Variants in RSPH14 observed in about 807,000 individuals in gnomAD.
The protein encoded by RSPH14 is radial spoke head 14 homolog, also known as rhabdoid tumor deletion region gene 1.
RSPH14 carries 20 observed loss-of-function variants against 26.7 expected under a neutral mutation model. That is an observed-to-expected ratio of 0.75 (90% CI 0.53 to 1.09). RSPH14 has a LOEUF of 1.09. Among genes scored for constraint, RSPH14 ranks in the 50% least tolerant of loss-of-function variants. The probability of loss-of-function intolerance (pLI) is 0.00; values close to 1 mark genes in which losing one functional copy is unlikely to be tolerated. For missense variants in RSPH14, 449 were observed against 457.2 expected (o/e 0.98, Z 0.16); for synonymous variants, 177 against 189.3 (o/e 0.93, Z 0.53).
rs1405924145 is a variant in RSPH14, at chr22:23,059,692, C to T, written c.817G>A (p.Ala273Thr). ...AGCAGCTCCAGGAGCAGGCCGATGG[C>T]TTGTGCCTCCAGGGCCGCATACTTC... ...EGKYAALEAQ[A>T]IGLLLELLHS... is the part of the protein sequence containing the mutation. The change falls in exon 7 of 7, where the codon GCC (alanine) becomes ACC (threonine). Residue 273 changes from alanine to threonine, a missense_variant. Transcript: ENST00000216036. The T allele has an allele frequency of 1.3e-6, 2 of 1,555,916 alleles. No individual in the cohort carries two copies. The highest frequency in any genetic ancestry group is 8.7e-7 in the Non-Finnish European group (1 of 1,151,164).
At chr22:23,125,159 C>T (rs1245067653) in intron 4 of RSPH14, 1 of 152,198 alleles carries the variant, frequency 6.6e-6, no homozygotes, top group Non-Finnish European at 1.5e-5. Flanking sequence ...CCTATACCTC[C>T]ACACATTTAG....
chr22:23,079,857 G>A (rs1190962787), intron 4 of RSPH14, among the ~76,000 whole-genome samples: 1 of 152,158 alleles, frequency 6.6e-6, no homozygotes, highest in Non-Finnish European at 1.5e-5. Context: ...AAGGCGTGCT[G>A]GGCATGTAGT....
chr22:23,061,783 C>T, intron 6 of RSPH14, 26 bp downstream of exon 6: 1 of 1,613,140 alleles, frequency 6.2e-7, no homozygotes, highest in Non-Finnish European at 8.5e-7. Flanking sequence ...GGGTCTCCCT[C>T]CCTGCGGCAC....
rs117006547 is a variant in RSPH14 at position 23,126,784 on chromosome 22, G to A, written c.421+7242C>T. Among the ~76,000 whole-genome samples the A allele has an allele frequency of 4.9e-3, 740 of 152,308 alleles. 2 individuals are homozygous for A. Among genetic ancestry groups the A allele is most frequent in the Non-Finnish European group, 7.0e-3 (475 of 68,018 alleles). ...CTGCCCACTGCAGGTGACTAATCCC[G>A]CCTTGTCCTACTTCACGCAGCCCCA... On this transcript the variant is annotated intron_variant, in intron 4 of 6. Coordinates refer to ENST00000216036, the MANE Select transcript of RSPH14 (RefSeq NM_014433.3).
At chr22:23,179,284 T>A in the RSPH14 span, among the ~76,000 whole-genome samples, 1 of 91,234 alleles carries the variant, frequency 1.1e-5, no homozygotes, top group East Asian at 4.7e-4. Context: ...GAGGGAGAGG[T>A]GGTCAGGACT....
At chr22:23,062,418 T>G (rs1261136458) in intron 5 of RSPH14, among the ~76,000 whole-genome samples, 1 of 152,160 alleles carries the variant, frequency 6.6e-6, no homozygotes, top group African/African-American at 2.4e-5. Context: ...TGAATGAAGT[T>G]GTGGAAATGA....
chr22:23,083,687 G>C (rs555760519), intron 4 of RSPH14, among the ~76,000 whole-genome samples: 1 of 152,300 alleles, frequency 6.6e-6, no homozygotes, highest in South Asian at 2.1e-4. Context: ...ATGTGGTCAG[G>C]GAAGGTGCCT....
chr22:23,072,475 C>T (rs949062968), intron 4 of RSPH14, among the ~76,000 whole-genome samples: 3 of 152,214 alleles, frequency 2.0e-5, no homozygotes, highest in Non-Finnish European at 2.9e-5. Flanking sequence ...TTCTCCCCCT[C>T]GGAAATTGGT....
intron 4 of RSPH14, among the ~76,000 whole-genome samples, chr22:23,088,804 T>C (rs1438187148): frequency 6.6e-6 from 1 of 152,004 alleles, no homozygotes; most frequent in Non-Finnish European, 1.5e-5. Context: ...GCATTAGGGG[T>C]GTGGCCTTGC....
At chr22:23,077,104 C>T (rs1215570412) in intron 4 of RSPH14, among the ~76,000 whole-genome samples, 39 of 152,142 alleles carry the variant, frequency 2.6e-4, no homozygotes, top group Admixed American at 2.6e-3. Flanking sequence ...GTGATGTCTG[C>T]AGCGGGCACG....
At chr22:23,131,623 C>T (rs1000443974) in intron 4 of RSPH14, 17 of 1,303,996 alleles carry the variant, frequency 1.3e-5, no homozygotes, top group African/African-American at 1.5e-5. Flanking sequence ...AGCAAGTCCC[C>T]TGTCTCCACA....
the RSPH14 span, chr22:23,153,145 G>A: frequency 1.2e-6 from 2 of 1,608,982 alleles, no homozygotes; most frequent in Non-Finnish European, 1.7e-6. Context: ...GTAAGTTGCT[G>A]GTTCCCCCAT....
At chr22:23,062,404 G>C (rs920886972) in intron 5 of RSPH14, among the ~76,000 whole-genome samples, 2 of 152,160 alleles carry the variant, frequency 1.3e-5, no homozygotes, top group Non-Finnish European at 2.9e-5. Context: ...ACTTACTCTG[G>C]CACTGAATGA....
chr22:23,068,424 G>A (rs752573906), intron 4 of RSPH14, among the ~76,000 whole-genome samples: 31 of 152,246 alleles, frequency 2.0e-4, no homozygotes, highest in African/African-American at 6.3e-4. Flanking sequence ...GAAAAGGGCC[G>A]GTCTGAATCC....
At chr22:23,140,584 C>T in intron 1 of RSPH14, 112 bp from the exon 2 acceptor site, 1 of 1,233,466 alleles carries the variant, frequency 8.1e-7, no homozygotes. Context: ...TTTCATTTTA[C>T]AGATGAGCAA....
intron 4 of RSPH14, among the ~76,000 whole-genome samples, chr22:23,098,590 A>G (rs2069194499): frequency 6.6e-6 from 1 of 152,216 alleles, no homozygotes; most frequent in Non-Finnish European, 1.5e-5. Context: ...CACACCCACC[A>G]CCATCACCCT....
At chr22:23,158,811 C>A in the RSPH14 span, 5 of 1,188,970 alleles carry the variant, frequency 4.2e-6, no homozygotes, top group Non-Finnish European at 6.2e-6. Flanking sequence ...AGCACTTCAG[C>A]CCTGGGGAGG....
intron 5 of RSPH14, among the ~76,000 whole-genome samples, chr22:23,063,291 G>A (rs1056776634): frequency 6.6e-6 from 1 of 152,214 alleles, no homozygotes; most frequent in Non-Finnish European, 1.5e-5. Context: ...GGGAAGGCAA[G>A]AGGGTCTCCA....
chr22:23,087,309 T>G (rs1276480596), intron 4 of RSPH14, among the ~76,000 whole-genome samples: 1 of 151,960 alleles, frequency 6.6e-6, no homozygotes, highest in Non-Finnish European at 1.5e-5. Flanking sequence ...TCTCCAAAAT[T>G]AAAAAGATTA....
Sources: allele counts gnomAD v4.1 joint callset (sites outside exome capture counted in the v4.1 genomes callset), GRCh38; gene constraint gnomAD v4.1.1; transcripts MANE v1.5; gene names NCBI Gene and HGNC (gene_info 2026-07-23, HGNC 2026-07-21).